GDPD5: variants seen among roughly 807,000 people sequenced by gnomAD.
GDPD5 encodes glycerophosphodiester phosphodiesterase 2.
In GDPD5, 48 loss-of-function variants were observed where a neutral mutation model predicts 75.1. The ratio of observed to expected loss-of-function variants is 0.64; its 90% CI spans 0.51 to 0.81. The LOEUF is 0.81. Among genes scored for constraint, GDPD5 ranks in the 40% least tolerant of loss-of-function variants. GDPD5 has a pLI of 0.00. For missense variants in GDPD5, 706 were observed against 822.6 expected (o/e 0.86, Z 1.73); for synonymous variants, 336 against 339.0 (o/e 0.99, Z 0.10).
At chr11:75,480,305 G>A (rs1482320251) in intron 2 of GDPD5, among the ~76,000 whole-genome samples, 2 of 151,044 alleles carry the variant, frequency 1.3e-5, no homozygotes, top group African/African-American at 4.9e-5. Context: ...TCCAGCCAGG[G>A]TGACAGGGCA....
Position 75,444,560 on chromosome 11 carries a change from G to C in GDPD5, c.715-65C>G, listed in dbSNP as rs372737754. 3.3e-5 allele frequency: 41 copies of C among 1,254,352 alleles called. 1 individual carries two copies. The East Asian group carries it at 7.4e-4, about 23-fold the overall frequency. 77.7% of individuals were successfully genotyped at this position (1,254,352 alleles called of 1,614,324 possible). ...GCTGATGTACCCTCCCCAGCCAATGGAAAGTCTTTCATGTTGGGAGGCTGG... is the reference window on the plus strand; with the variant it reads ...GCTGATGTACCCTCCCCAGCCAATGCAAAGTCTTTCATGTTGGGAGGCTGG... On this transcript the variant is annotated intron_variant, in intron 9 of 16. Coordinates refer to ENST00000336898, the MANE Select transcript of GDPD5 (RefSeq NM_030792.8).
chr11:75,444,499 G>A lies in GDPD5; in HGVS notation c.715-4C>T, dbSNP rs372194394. On this transcript the variant is annotated splice_polypyrimidine_tract_variant and splice_region_variant and intron_variant, in intron 9 of 16. Coordinates refer to ENST00000336898, the MANE Select transcript of GDPD5 (RefSeq NM_030792.8). ...TGAGCGTGTGCTCTGGAGCCAGCTG[G>A]GGAAGAAGGGGTGGTGAAGGGAGAG... is the stretch of plus-strand genomic sequence containing the variant. 1.9e-6 allele frequency: 3 copies of A among 1,611,504 alleles called. No homozygotes were observed. Among genetic ancestry groups the A allele is most frequent in the Non-Finnish European group, 2.5e-6 (3 of 1,178,000 alleles).
chr11:75,448,949 G>C (rs1442586143), intron 9 of GDPD5, 28 bp downstream of exon 9: 1 of 1,534,568 alleles, frequency 6.5e-7, no homozygotes, highest in African/African-American at 1.4e-5. Flanking sequence ...CCCCAACGGG[G>C]CTGTTAGGAC....
In GDPD5 at chr11:75,505,225, G is replaced by C. The variant is rs73499047; in HGVS notation, c.-144-14905C>G. 5.3e-3 allele frequency among the ~76,000 whole-genome samples: 813 copies of C among 152,242 alleles called. 7 individuals carry two copies. The highest frequency in any genetic ancestry group is 0.019 in the African/African-American group (776 of 41,558). The stretch of plus-strand genomic sequence containing the variant: ...TCCAGGAAGGCTTCACAGAAGAGGG[G>C]GCATTTGAGCTGGACAGGATTTGGG... On this transcript the variant is annotated intron_variant, in intron 1 of 16. Transcript: ENST00000336898.
intron 3 of GDPD5, among the ~76,000 whole-genome samples, chr11:75,468,059 A>C (rs1949563362): frequency 6.6e-6 from 1 of 152,166 alleles, no homozygotes; most frequent in South Asian, 2.1e-4. Flanking sequence ...CACAGGAAGC[A>C]TGGGCATGGC....
chr11:75,476,269 A>C (rs1949775528), intron 3 of GDPD5, among the ~76,000 whole-genome samples: 1 of 152,090 alleles, frequency 6.6e-6, no homozygotes, highest in African/African-American at 2.4e-5. Context: ...AGGCTTGGGC[A>C]TCTGGAAGGA....
At chr11:75,435,960 G>A (rs1565175535) in intron 16 of GDPD5, among the ~76,000 whole-genome samples, 2 of 152,172 alleles carry the variant, frequency 1.3e-5, no homozygotes, top group South Asian at 2.1e-4. Flanking sequence ...CCTCTCTTAG[G>A]AGTGACTGCC....
chr11:75,513,531 C>T (rs1950574679), intron 1 of GDPD5, among the ~76,000 whole-genome samples: 1 of 152,188 alleles, frequency 6.6e-6, no homozygotes, highest in Non-Finnish European at 1.5e-5. Context: ...TGTGAGGATG[C>T]AATGACATCA....
Position 75,492,533 on chromosome 11 carries a change from T to C in GDPD5, c.-144-2213A>G, listed in dbSNP as rs117118684. 865 of 152,330 alleles carry C rather than the reference T, an allele frequency of 5.7e-3. 6 individuals are homozygous for C. The highest frequency in any genetic ancestry group is 0.01 in the Middle Eastern group (3 of 294). The allele number at this position is 152,330 out of a possible 1,614,324, so 9.4% of individuals were successfully genotyped here. A position where few individuals can be genotyped will look rare whatever the true frequency, so the allele number is the denominator to read the frequency against. On this transcript the variant is annotated intron_variant, in intron 1 of 16. Coordinates refer to ENST00000336898, the MANE Select transcript of GDPD5 (RefSeq NM_030792.8). Reference sequence around the variant, plus strand: ...GGGACACAGCAACATCTACTCAGATTTTACCTGACATTCAAACTTGGGACT... The same window carrying C: ...GGGACACAGCAACATCTACTCAGATCTTACCTGACATTCAAACTTGGGACT...
At chr11:75,509,196 T>C (rs922573312) in intron 1 of GDPD5, among the ~76,000 whole-genome samples, 6 of 152,158 alleles carry the variant, frequency 3.9e-5, no homozygotes, top group African/African-American at 1.4e-4. Flanking sequence ...GGGGGTGTTC[T>C]TGACATGTGC....
intron 3 of GDPD5, among the ~76,000 whole-genome samples, chr11:75,470,863 GC>G (rs1403795912): frequency 6.6e-6 from 1 of 152,208 alleles, no homozygotes; most frequent in Non-Finnish European, 1.5e-5. Flanking sequence ...GTTCTCAGAT[GC>G]CTGTGGTTGT....
chr11:75,443,443 C>G (rs1358751545), intron 10 of GDPD5, among the ~76,000 whole-genome samples, 157 bp from the exon 11 acceptor site: 1 of 152,158 alleles, frequency 6.6e-6, no homozygotes, highest in Non-Finnish European at 1.5e-5. Flanking sequence ...ACAGGGAAGA[C>G]AGTGGGCTGG....
At chr11:75,461,753 G>A (rs904752543) in intron 4 of GDPD5, among the ~76,000 whole-genome samples, 2 of 152,194 alleles carry the variant, frequency 1.3e-5, no homozygotes, top group South Asian at 2.1e-4. Flanking sequence ...CTTGCTCATC[G>A]CCATGCTGAC....
intron 1 of GDPD5, among the ~76,000 whole-genome samples, chr11:75,494,526 A>G (rs1285937978): frequency 2.6e-5 from 4 of 152,130 alleles, no homozygotes; most frequent in Non-Finnish European, 4.4e-5. Flanking sequence ...GTTCATTTTT[A>G]GTTATTCCAT....
chr11:75,453,111 A>T (rs981985269), intron 6 of GDPD5: 1 of 152,174 alleles, frequency 6.6e-6, no homozygotes, highest in East Asian at 1.9e-4. Context: ...CCTCCTGGGT[A>T]CCTCAATTTC....
chr11:75,448,970 C>T lies in GDPD5; in HGVS notation c.714+7G>A. 6.4e-7 allele frequency: 1 copy of T among 1,557,976 alleles called. No individual in the cohort carries two copies. Among genetic ancestry groups the T allele is most frequent in the African/African-American group, 1.4e-5 (1 of 71,328 alleles). On this transcript the variant is annotated splice_region_variant and intron_variant, in intron 9 of 16. Transcript: ENST00000336898. ...CGGGGCTGTTAGGACCCTGAGGTGG[C>T]ACTCACCATGGGGGCCCCGCGGTGG...
chr11:75,513,627 A>G (rs564920212), intron 1 of GDPD5, among the ~76,000 whole-genome samples: 22 of 152,194 alleles, frequency 1.4e-4, no homozygotes, highest in Non-Finnish European at 2.8e-4. Context: ...GAAACTAAAC[A>G]CTGAAGTTTA....
At chr11:75,518,602 C>T (rs1950692165) in intron 1 of GDPD5, among the ~76,000 whole-genome samples, 1 of 152,216 alleles carries the variant, frequency 6.6e-6, no homozygotes, top group African/African-American at 2.4e-5. Flanking sequence ...CTTCCCACCT[C>T]TGAAACTCTC....
intron 1 of GDPD5, among the ~76,000 whole-genome samples, chr11:75,512,262 G>A (rs1004056619): frequency 8.6e-6 from 1 of 115,774 alleles, no homozygotes; most frequent in African/African-American, 3.1e-5. Context: ...CTAACTGGTA[G>A]AAGCATGAAA....
Sources: gnomAD v4.1 joint callset for allele counts (sites outside exome capture counted in the v4.1 genomes callset) on GRCh38, gnomAD v4.1.1 for gene constraint, MANE v1.5 for transcripts, NCBI Gene and HGNC (gene_info 2026-07-23, HGNC 2026-07-21) for gene names.